The following CDC14A variants were observed in gnomAD, a reference collection of about 807,000 sequenced individuals.
CDC14A encodes cell division cycle 14A, also known as dual specificity protein phosphatase CDC14A.
A neutral mutation model predicts 74.4 loss-of-function variants in CDC14A; 53 were observed. That is an observed-to-expected ratio of 0.71 (90% CI 0.57 to 0.89). The LOEUF (loss-of-function observed/expected upper bound fraction) is 0.89, where lower values mean the gene tolerates loss of function less well. CDC14A is among the 40% of genes least tolerant of loss of function. CDC14A has a pLI of 0.00. For synonymous variants in CDC14A, 247 were observed against 258.4 expected (o/e 0.96, Z 0.43); for missense variants, 646 against 713.7 (o/e 0.91, Z 1.08).
intron 8 of CDC14A, among the ~76,000 whole-genome samples, chr1:100,461,419 G>C (rs1368728765): frequency 7.0e-6 from 1 of 143,382 alleles, no homozygotes; most frequent in African/African-American, 2.9e-5. Context: ...ACACAGCGTG[G>C]AAACAGTCTG....
At chr1:100,511,974 C>T (rs1020244916) in intron 15 of CDC14A, among the ~76,000 whole-genome samples, 6 of 152,120 alleles carry the variant, frequency 3.9e-5, no homozygotes, top group Non-Finnish European at 8.8e-5. Flanking sequence ...CCCTGTCGGG[C>T]TGTGTGCCTC....
Position 100,499,218 on chromosome 1 carries a change from G to T in CDC14A, c.1711G>T (p.Gly571Trp). 2 of 1,614,108 alleles carry T rather than the reference G, an allele frequency of 1.2e-6. No individual in the cohort carries two copies. The highest frequency in any genetic ancestry group is 2.2e-5 in the South Asian group (2 of 91,078). Residue 571 changes from glycine (G) to tryptophan (W), a missense_variant, in exon 15 of 16, where the codon GGG becomes TGG. Transcript: ENST00000336454. ...CACCATCCTCCGACCCTCCTACACCGGGCTTTCTTCTTCTTCAGCGAGATT... is the reference window on the plus strand; with the variant it reads ...CACCATCCTCCGACCCTCCTACACCTGGCTTTCTTCTTCTTCAGCGAGATT... ...HTTILRPSYT[G>W]LSSSSARFLS...
At chr1:100,413,055 A>C (rs111399377) in intron 4 of CDC14A, among the ~76,000 whole-genome samples, 28 of 151,908 alleles carry the variant, frequency 1.8e-4, no homozygotes, top group African/African-American at 6.0e-4. Context: ...GAAACTGTCA[A>C]AAAGAAAAGA....
At chr1:100,488,100 C>A (rs1670225591) in intron 11 of CDC14A, among the ~76,000 whole-genome samples, 1 of 152,148 alleles carries the variant, frequency 6.6e-6, no homozygotes, top group Admixed American at 6.5e-5. Context: ...GCAATAAGTG[C>A]TCACTTTAAC....
chr1:100,445,748 G>T (rs1297298184), intron 7 of CDC14A, among the ~76,000 whole-genome samples: 2 of 152,178 alleles, frequency 1.3e-5, no homozygotes, highest in African/African-American at 4.8e-5. Flanking sequence ...TGACAAGAAG[G>T]TAGTCATGGT....
chr1:100,375,509 AAAG>A (rs1655109397), intron 2 of CDC14A, among the ~76,000 whole-genome samples: 1 of 152,116 alleles, frequency 6.6e-6, no homozygotes, highest in African/African-American at 2.4e-5. Flanking sequence ...GCATTTCTCA[AAAG>A]AAGACATTTA....
chr1:100,425,595 T>C (rs1216976532), intron 5 of CDC14A, among the ~76,000 whole-genome samples: 1 of 152,152 alleles, frequency 6.6e-6, no homozygotes, highest in Non-Finnish European at 1.5e-5. Context: ...TTGTGCTTAA[T>C]TAAAGTGAAG....
intron 1 of CDC14A, among the ~76,000 whole-genome samples, chr1:100,345,972 A>G (rs1185182919): frequency 6.6e-6 from 1 of 152,090 alleles, no homozygotes; most frequent in East Asian, 1.9e-4. Flanking sequence ...GGAGTTAGAG[A>G]CCAGCCTGGC....
intron 15 of CDC14A, among the ~76,000 whole-genome samples, chr1:100,511,156 C>G (rs72970123): frequency 1.3e-3 from 204 of 152,348 alleles, no homozygotes; most frequent in African/African-American, 4.5e-3. Flanking sequence ...TCTTCAGCCT[C>G]TTACCCTCCG....
chr1:100,360,058 T>G (rs1652487950), intron 2 of CDC14A, among the ~76,000 whole-genome samples: 1 of 149,592 alleles, frequency 6.7e-6, no homozygotes, highest in African/African-American at 2.5e-5. Flanking sequence ...TTCTCGTGCC[T>G]CAGCCTCCTG....
chr1:100,486,081 C>G (rs1018279139), intron 11 of CDC14A: 1 of 152,178 alleles, frequency 6.6e-6, no homozygotes, highest in Non-Finnish European at 1.5e-5. Flanking sequence ...TATAGCTAAG[C>G]AAGAATACCT....
At chr1:100,432,874 C>G (rs555238776) in intron 5 of CDC14A, among the ~76,000 whole-genome samples, 1 of 151,882 alleles carries the variant, frequency 6.6e-6, no homozygotes, top group Non-Finnish European at 1.5e-5. Flanking sequence ...AAAGATTGTT[C>G]TATATACTTT....
rs183399124 is a variant in CDC14A at position 100,367,992 on chromosome 1, A to G, written c.141-9554A>G. 1.2e-4 allele frequency among the ~76,000 whole-genome samples: 18 copies of G among 152,320 alleles called. No homozygotes were observed. In the East Asian group the frequency reaches 2.7e-3, roughly 23 times the overall value. Reference sequence around the variant, plus strand: ...CCATTCTCTTATGTTCCAAGTCCCAACTGGCTTTTTGGAAATATGACCCTC... The same window carrying G: ...CCATTCTCTTATGTTCCAAGTCCCAGCTGGCTTTTTGGAAATATGACCCTC... On this transcript the variant is annotated intron_variant, in intron 2 of 15. Coordinates refer to ENST00000336454, the MANE Select transcript of CDC14A (RefSeq NM_003672.4).
In CDC14A at chr1:100,499,215, A is replaced by G; in HGVS notation, c.1708A>G (p.Thr570Ala). ...CACCACCATCCTCCGACCCTCCTAC[A>G]CCGGGCTTTCTTCTTCTTCAGCGAG... is the stretch of plus-strand genomic sequence containing the variant. The part of the protein sequence containing the change: ...EHTTILRPSY[T>A]GLSSSSARFL... Residue 570 changes from threonine (T) to alanine (A), a missense_variant, in exon 15 of 16, where the codon ACC (threonine) becomes GCC (alanine). Thr to Ala is a moderately conservative substitution (Grantham distance 58). Coordinates refer to ENST00000336454, the MANE Select transcript of CDC14A (RefSeq NM_003672.4). The G allele has an allele frequency of 6.2e-7, 1 of 1,614,052 alleles. No homozygotes were observed. Among genetic ancestry groups the G allele is most frequent in the South Asian group, 1.1e-5 (1 of 91,078 alleles).
chr1:100,370,715 T>G (rs557065003), intron 2 of CDC14A, among the ~76,000 whole-genome samples: 1 of 152,344 alleles, frequency 6.6e-6, no homozygotes, highest in South Asian at 2.1e-4. Flanking sequence ...TATTATAGCC[T>G]TAGAGTAGAG....
intron 11 of CDC14A, among the ~76,000 whole-genome samples, chr1:100,489,328 G>A (rs1223277454): frequency 2.6e-5 from 4 of 151,990 alleles, no homozygotes; most frequent in African/African-American, 9.7e-5. Context: ...GTCTATTTAT[G>A]TCATTTTTCT....
chr1:100,434,301 G>A (rs528341216), intron 5 of CDC14A, among the ~76,000 whole-genome samples: 19 of 152,232 alleles, frequency 1.2e-4, no homozygotes, highest in South Asian at 4.1e-4. Context: ...TGAGAGGGAA[G>A]AACATGTGAC....
chr1:100,451,019 G>A (rs917445160), intron 7 of CDC14A, among the ~76,000 whole-genome samples: 1 of 152,062 alleles, frequency 6.6e-6, no homozygotes, highest in Admixed American at 6.6e-5. Context: ...CTCCCTCCAT[G>A]GCTAGCCATC....
intron 7 of CDC14A, among the ~76,000 whole-genome samples, chr1:100,445,852 T>C (rs1447858061): frequency 6.6e-6 from 1 of 152,212 alleles, no homozygotes; most frequent in Admixed American, 6.5e-5. Flanking sequence ...TTTTTGAGAA[T>C]GATTTATCTG....
Sources: allele counts gnomAD v4.1 joint callset (sites outside exome capture counted in the v4.1 genomes callset), GRCh38; gene constraint gnomAD v4.1.1; transcripts MANE v1.5; gene names NCBI Gene and HGNC (gene_info 2026-07-23, HGNC 2026-07-21).